CFAP46: variants seen among roughly 807,000 people sequenced by gnomAD.
CFAP46 encodes the protein cilia- and flagella-associated protein 46.
Under a neutral mutation model 325.7 loss-of-function variants are expected in CFAP46, and 245 were observed. The ratio of observed to expected loss-of-function variants is 0.75; its 90% CI spans 0.68 to 0.84. The LOEUF (loss-of-function observed/expected upper bound fraction) is 0.84. Among genes scored for constraint, CFAP46 ranks in the 40% least tolerant of loss-of-function variants. The pLI is 0.00. For synonymous variants in CFAP46, 1,523 were observed against 1,495.9 expected, an observed-to-expected ratio of 1.02 and a Z score of -0.42; for missense variants, 3,346 against 3,543.0, an observed-to-expected ratio of 0.94 and a Z score of 1.41.
chr10:132,879,185 G>A (rs1027464185), intron 29 of CFAP46, among the ~76,000 whole-genome samples: 1 of 152,212 alleles, frequency 6.6e-6, no homozygotes, highest in Non-Finnish European at 1.5e-5. Context: ...GGAATGTGGA[G>A]GGTGCAGGAA....
intron 27 of CFAP46, among the ~76,000 whole-genome samples, chr10:132,882,447 T>C (rs1849061517): frequency 6.6e-6 from 1 of 151,660 alleles, no homozygotes; most frequent in Non-Finnish European, 1.5e-5. Context: ...GTTGTGGATG[T>C]CGGGTGTAAG....
At chr10:132,917,588 C>T (rs1023932333) in intron 16 of CFAP46, among the ~76,000 whole-genome samples, 15 of 152,304 alleles carry the variant, frequency 9.8e-5, no homozygotes, top group South Asian at 4.1e-4. Flanking sequence ...TGGCGGTTGC[C>T]GTGTGTCATC....
chr10:132,815,062 A>G, intron 50 of CFAP46, 148 bp from the exon 51 acceptor site: 1 of 759,872 alleles, frequency 1.3e-6, no homozygotes, highest in Non-Finnish European at 2.2e-6. Context: ...AATTTGTGTA[A>G]AGTTGACGTG....
chr10:132,930,461 C>T (rs1203002460), intron 8 of CFAP46, among the ~76,000 whole-genome samples: 3 of 146,564 alleles, frequency 2.0e-5, no homozygotes, highest in African/African-American at 7.6e-5. Context: ...ACACTCTCCA[C>T]ACAGAGCCTG....
chr10:132,836,339 G>T, intron 45 of CFAP46, 121 bp from the exon 46 acceptor site: 1 of 868,008 alleles, frequency 1.2e-6, no homozygotes. Context: ...TGGACGCCCA[G>T]CAGGGCCCTC....
intron 57 of CFAP46, 134 bp from the exon 58 acceptor site, chr10:132,809,038 C>A (rs1182684611): frequency 1.1e-6 from 1 of 910,452 alleles, no homozygotes; most frequent in East Asian, 2.7e-5. Context: ...CTGCCATTCG[C>A]CAGGCCTCCA....
chr10:132,899,609 C>G lies in CFAP46; in HGVS notation c.2982G>C (p.Arg994Ser). 4 of 1,550,244 alleles carry G rather than the reference C, an allele frequency of 2.6e-6. No homozygotes were observed. The highest frequency in any genetic ancestry group is 3.5e-6 in the Non-Finnish European group (4 of 1,146,968). The change falls in exon 23 of 58, where the codon AGG becomes AGC. Residue 994 changes from arginine (R) to serine (S), a missense_variant. Physicochemically the swap from Arg to Ser is moderately radical, Grantham distance 110 (BLOSUM62 -1). Transcript: ENST00000368586. ...MLCTATAIQGRSIMENLKGRK... is the reference protein window; with the variant it reads ...MLCTATAIQGSSIMENLKGRK... ...GGCCCTTCAGGTTTTCCATGATGCTCCTGCCCTGGATGGCCGTGGCTGTGC... is the reference window on the plus strand; with the variant it reads ...GGCCCTTCAGGTTTTCCATGATGCTGCTGCCCTGGATGGCCGTGGCTGTGC...
chr10:132,836,047 C>A, intron 46 of CFAP46, 95 bp downstream of exon 46: 1 of 328,622 alleles, frequency 3.0e-6, no homozygotes, highest in Non-Finnish European at 5.1e-6. Flanking sequence ...CCACCTCTCA[C>A]CTCCCCCTCC....
intron 44 of CFAP46, among the ~76,000 whole-genome samples, chr10:132,838,200 C>T (rs1204007770): frequency 1.3e-5 from 2 of 152,232 alleles, no homozygotes; most frequent in East Asian, 1.9e-4. Flanking sequence ...CAGCGGCAGG[C>T]GGCCACCACA....
At chr10:132,910,701 C>T (rs996557473) in intron 19 of CFAP46, among the ~76,000 whole-genome samples, 1 of 152,216 alleles carries the variant, frequency 6.6e-6, no homozygotes, top group Non-Finnish European at 1.5e-5. Flanking sequence ...AGGGATGTCC[C>T]ATCTCTCGCT....
rs758028097 is a variant in CFAP46 at position 132,808,837 on chromosome 10, C to T, written c.7732G>A (p.Ala2578Thr). 2.0e-5 allele frequency: 32 copies of T among 1,605,632 alleles called. No homozygotes were observed. The highest frequency in any genetic ancestry group is 2.4e-5 in the Non-Finnish European group (28 of 1,174,514). The change falls in exon 58 of 58, where the codon GCT (alanine) becomes ACT (threonine). Residue 2578 changes from alanine (A) to threonine (T), a missense_variant. By Grantham distance (58) the Ala-to-Thr change is moderately conservative (BLOSUM62 0). Transcript: ENST00000368586. The surrounding 1 kb of genome is among the most constrained non-coding windows in gnomAD (Gnocchi z 6.8). ...GCAGCCCATACAGGACCAAGTTGAG[C>T]GTGGTGGGAAGGAGCTCGGAGCTTT... ...APKLRAPSHH[A>T]QLGPVWAAAP...
At chr10:132,819,644 G>A (rs1248450275) in intron 50 of CFAP46, among the ~76,000 whole-genome samples, 1 of 152,238 alleles carries the variant, frequency 6.6e-6, no homozygotes, top group Admixed American at 6.5e-5. Context: ...ATGCGGAAAT[G>A]ACGGTCTCGT....
At chr10:132,844,060 C>T in intron 44 of CFAP46, among the ~76,000 whole-genome samples, 1 of 111,108 alleles carries the variant, frequency 9.0e-6, no homozygotes, top group Non-Finnish European at 1.9e-5. Context: ...GCTGTGGTCT[C>T]GGTGGGTGTT....
intron 55 of CFAP46, among the ~76,000 whole-genome samples, 195 bp from the exon 56 acceptor site, chr10:132,811,226 A>G (rs1243977425): frequency 6.6e-6 from 1 of 152,204 alleles, no homozygotes; most frequent in Non-Finnish European, 1.5e-5. Flanking sequence ...CGCCAGCCTC[A>G]GGAGCCCAGA....
intron 35 of CFAP46, among the ~76,000 whole-genome samples, chr10:132,862,267 A>C (rs933555173): frequency 2.6e-5 from 4 of 152,160 alleles, no homozygotes; most frequent in African/African-American, 9.7e-5. Flanking sequence ...AGGGCTGGCA[A>C]GGGTCCAACG....
chr10:132,929,802 A>C lies in CFAP46; in HGVS notation c.869T>G (p.Met290Arg). Residue 290 changes from methionine to arginine, a missense_variant and splice_region_variant, in exon 9 of 58, where the codon ATG becomes AGG. Transcript: ENST00000368586. ...ACGCGCCAATTCAAAAAGCAAAAGC[A>C]TTCTGCAAACAAACAAACCAGCCAG... Reference protein sequence around the residue: ...QRFPSISEEKMLLLFELARFS... With the variant: ...QRFPSISEEKRLLLFELARFS... The C allele has an allele frequency of 1.2e-6, 2 of 1,606,900 alleles. No homozygotes were observed. Among genetic ancestry groups the C allele is most frequent in the Non-Finnish European group, 1.7e-6 (2 of 1,174,788 alleles).
At position 132,864,433 on chromosome 10, in the gene CFAP46, CA is replaced by C. The variant is rs1848776691; in HGVS notation, c.4890+1591del. 6.5e-4 allele frequency among the ~76,000 whole-genome samples: 77 copies of C among 119,252 alleles called. 1 individual carries two copies. Among genetic ancestry groups the C allele is most frequent in the Non-Finnish European group, 1.2e-3 (67 of 55,160 alleles). The allele number at this position is 119,252 out of a possible 152,430, so 78.2% of individuals were successfully genotyped here. A position where few individuals can be genotyped will look rare whatever the true frequency, so the allele number is the denominator to read the frequency against. Reference sequence around the variant, plus strand: ...CCTGAGACATGCACACACCTGTCCCCAGTGCCTGAGACCTGCACACACCTGT... The same window carrying C: ...CCTGAGACATGCACACACCTGTCCCCGTGCCTGAGACCTGCACACACCTGT... On this transcript the variant is annotated intron_variant, in intron 35 of 57. Coordinates refer to ENST00000368586, the MANE Select transcript of CFAP46 (RefSeq NM_001200049.3).
At chr10:132,910,213 C>G (rs915080119) in intron 19 of CFAP46, 145 bp from the exon 20 acceptor site, 1 of 714,506 alleles carries the variant, frequency 1.4e-6, no homozygotes, top group Non-Finnish European at 2.0e-6. Flanking sequence ...GGCCCACCAG[C>G]GGCTGCACCA....
intron 35 of CFAP46, among the ~76,000 whole-genome samples, chr10:132,861,299 A>C (rs1591059732): frequency 6.6e-6 from 1 of 152,168 alleles, no homozygotes; most frequent in African/African-American, 2.4e-5. Context: ...ACTGTATCTC[A>C]TTCCATTTAA....
Sources: allele counts gnomAD v4.1 joint callset (sites outside exome capture counted in the v4.1 genomes callset), GRCh38; gene constraint gnomAD v4.1.1; non-coding constraint Gnocchi (gnomAD v3.1); transcripts MANE v1.5; gene names NCBI Gene and HGNC (gene_info 2026-07-23, HGNC 2026-07-21).